Variants in STAP2 observed in about 807,000 individuals in gnomAD.
STAP2 encodes the protein signal-transducing adaptor protein 2.
STAP2 carries 58 observed loss-of-function variants against 52.7 expected under a neutral mutation model. That is an observed-to-expected ratio of 1.10 (90% CI 0.89 to 1.37). STAP2 has a LOEUF of 1.37. STAP2 is among the 40% of genes most tolerant of loss of function. The pLI is 0.00. For missense variants in STAP2, 522 were observed against 519.4 expected, an observed-to-expected ratio of 1.00 and a Z score of -0.05; for synonymous variants, 231 against 210.5, an observed-to-expected ratio of 1.10 and a Z score of -0.84.
At chr19:4,327,421 A>G (rs748861370) in intron 6 of STAP2, 36 bp from the exon 7 acceptor site, 3 of 1,611,668 alleles carry the variant, frequency 1.9e-6, no homozygotes, top group Non-Finnish European at 2.5e-6. Flanking sequence ...GGCTCAGCCC[A>G]GGCTCCCACA....
At chr19:4,331,826 G>A (rs976195554) in intron 4 of STAP2, among the ~76,000 whole-genome samples, 196 bp downstream of exon 4, 3 of 152,046 alleles carry the variant, frequency 2.0e-5, no homozygotes, top group African/African-American at 7.2e-5. Flanking sequence ...CAGCTACTCC[G>A]GAGGCTGAGG....
Position 4,333,814 on chromosome 19 carries a change from G to C in STAP2, c.177C>G (p.His59Gln). The change falls in exon 3 of 13, where the codon CAC (histidine) becomes CAG (glutamine). Residue 59 changes from histidine to glutamine, a missense_variant and splice_region_variant. By Grantham distance (24) the His-to-Gln change is conservative (BLOSUM62 0). Transcript: ENST00000594605. ...ATGCTCCCAAGTTGAGCTTCTCCAC[G>C]TGCTGGGGGCATAGAAGCAGGGGAT... ...YFYNSNRDFQ[H>Q]VEKLNLGAFE... 1.2e-6 allele frequency: 2 copies of C among 1,613,862 alleles called. No homozygotes were observed. Among genetic ancestry groups the C allele is most frequent in the East Asian group, 2.2e-5 (1 of 44,866 alleles).
At chr19:4,331,275 G>A (rs1325108966) in intron 4 of STAP2, among the ~76,000 whole-genome samples, 2 of 152,170 alleles carry the variant, frequency 1.3e-5, no homozygotes, top group Non-Finnish European at 2.9e-5. Flanking sequence ...GCTGCAGTGA[G>A]CTATGATCAC....
chr19:4,335,816 G>A (rs915638359), intron 1 of STAP2, among the ~76,000 whole-genome samples: 3 of 152,120 alleles, frequency 2.0e-5, no homozygotes, highest in African/African-American at 7.2e-5. Context: ...CTTTCCACAT[G>A]GGAAGCACCA....
At position 4,325,557 on chromosome 19, in the gene STAP2, A is replaced by C; in HGVS notation, c.830-12T>G. 6.4e-7 allele frequency: 1 copy of C among 1,563,146 alleles called. No individual in the cohort carries two copies. The highest frequency in any genetic ancestry group is 8.6e-7 in the Non-Finnish European group (1 of 1,157,658). ...GCAGGGTGCAGGACCTGATGGGGAA[A>C]CGTGGTCACTGTCAAGACCCATGTC... On this transcript the variant is annotated splice_polypyrimidine_tract_variant and intron_variant, in intron 9 of 12. Transcript: ENST00000594605.
At chr19:4,336,082 G>A (rs1185609091) in intron 1 of STAP2, among the ~76,000 whole-genome samples, 1 of 151,756 alleles carries the variant, frequency 6.6e-6, no homozygotes, top group African/African-American at 2.4e-5. Context: ...GTGCGATCTC[G>A]GCTCACTGCA....
At chr19:4,330,193 G>A (rs1471252391) in intron 4 of STAP2, 132 bp from the exon 5 acceptor site, 1 of 687,344 alleles carries the variant, frequency 1.5e-6, no homozygotes, top group Non-Finnish European at 2.6e-6. Context: ...GGCAAAGAGG[G>A]CTTCGAGAGG....
intron 5 of STAP2, 165 bp from the exon 6 acceptor site, chr19:4,328,974 C>A: frequency 4.3e-6 from 4 of 924,832 alleles, no homozygotes; most frequent in Non-Finnish European, 6.2e-6. Flanking sequence ...CCCAGTCCGG[C>A]CTTCCAGGCT....
chr19:4,338,826 A>T lies in STAP2; in HGVS notation c.-73T>A. 1 of 1,547,404 alleles carries T rather than the reference A, an allele frequency of 6.5e-7. No homozygotes were observed. Among genetic ancestry groups the T allele is most frequent in the Non-Finnish European group, 8.8e-7 (1 of 1,141,362 alleles). Reference sequence around the variant, plus strand: ...CAGCTGGGCCGGGAAGCTGAGAAACAGGTTTCAGGGGAGTTTCCTGTGTCA... The same window carrying T: ...CAGCTGGGCCGGGAAGCTGAGAAACTGGTTTCAGGGGAGTTTCCTGTGTCA... On this transcript the variant is annotated 5_prime_UTR_variant, in exon 1 of 13. Transcript: ENST00000594605.
chr19:4,324,990 T>A (rs1234508332), intron 11 of STAP2: 25 of 502,374 alleles, frequency 5.0e-5, no homozygotes, highest in East Asian at 7.1e-5. Context: ...AAAAAAAAAA[T>A]TAGCTGGGCA....
intron 1 of STAP2, 41 bp from the exon 2 acceptor site, chr19:4,334,085 A>G (rs1166000350): frequency 2.6e-6 from 4 of 1,563,748 alleles, no homozygotes; most frequent in Non-Finnish European, 3.5e-6. Flanking sequence ...GAGCTGGCCA[A>G]GCTGAGTGCC....
chr19:4,329,839 A>T, intron 5 of STAP2, 122 bp downstream of exon 5: 1 of 166,334 alleles, frequency 6.0e-6, no homozygotes, highest in Non-Finnish European at 1.2e-5. Flanking sequence ...CCCAGCCCCA[A>T]GGCAGTCCTC....
chr19:4,324,087 T>A lies in STAP2; in HGVS notation c.*46A>T. Reference sequence around the variant, plus strand: ...ATCCTGGGAAAAAGAATCTGGCCGCTGGGCCATGCCCTGGGACTAGCCCGC... The same window carrying A: ...ATCCTGGGAAAAAGAATCTGGCCGCAGGGCCATGCCCTGGGACTAGCCCGC... On this transcript the variant is annotated 3_prime_UTR_variant, in exon 13 of 13. Coordinates refer to ENST00000594605, the MANE Select transcript of STAP2 (RefSeq NM_001013841.2). 6.5e-7 allele frequency: 1 copy of A among 1,538,328 alleles called. No homozygotes were observed. Among genetic ancestry groups the A allele is most frequent in the Non-Finnish European group, 8.8e-7 (1 of 1,135,376 alleles).
chr19:4,330,711 A>AT (rs1210010568), intron 4 of STAP2, among the ~76,000 whole-genome samples: 15,896 of 117,160 alleles, frequency 0.14, 1,582 homozygotes, highest in South Asian at 0.22. Context: ...ATGTCAGCTA[A>AT]TTTTTTTTTT....
At position 4,332,016 on chromosome 19, in the gene STAP2, T is replaced by A; in HGVS notation, c.354+6A>T. The A allele has an allele frequency of 6.2e-7, 1 of 1,612,630 alleles. No individual in the cohort carries two copies. Among genetic ancestry groups the A allele is most frequent in the Non-Finnish European group, 8.5e-7 (1 of 1,179,478 alleles). ...GAGAGAGGGCGCAGAGAGCCACTAC[T>A]CTTACCTCCACCACCGTTAAGATGA... On this transcript the variant is annotated splice_donor_region_variant and intron_variant, in intron 4 of 12. Coordinates refer to ENST00000594605, the MANE Select transcript of STAP2 (RefSeq NM_001013841.2).
Position 4,324,056 on chromosome 19 carries a change from G to A in STAP2, c.*77C>T, listed in dbSNP as rs1971741381. On this transcript the variant is annotated 3_prime_UTR_variant, in exon 13 of 13. Transcript: ENST00000594605. ...CAGACACATGGGTCCTGGGGTCAGA[G>A]TTTTAATCCTGGGAAAAAGAATCTG... 6.8e-7 allele frequency: 1 copy of A among 1,476,030 alleles called. No homozygotes were observed. The highest frequency in any genetic ancestry group is 2.5e-5 in the East Asian group (1 of 40,540). 91.4% of individuals were successfully genotyped at this position (1,476,030 alleles called of 1,614,324 possible).
chr19:4,334,679 CATCT>C (rs1731502794), intron 1 of STAP2, among the ~76,000 whole-genome samples: 3 of 146,352 alleles, frequency 2.0e-5, no homozygotes, highest in Non-Finnish European at 4.5e-5. Flanking sequence ...CCCATCCATC[CATCT>C]ATCCATCATG....
intron 9 of STAP2, among the ~76,000 whole-genome samples, chr19:4,326,725 C>T (rs1019245312): frequency 6.6e-5 from 10 of 152,262 alleles, no homozygotes; most frequent in African/African-American, 2.2e-4. Context: ...TTCAACCCTA[C>T]AGGATGAGAG....
rs183111003 is a variant in STAP2 at position 4,337,581 on chromosome 19, T to G, written c.102+1071A>C. ...AAAAAAAAAGGCTGGGTGCGGTGGC[T>G]CATGCCTGTAATCCCAGCATTTAGA... On this transcript the variant is annotated intron_variant, in intron 1 of 12. Transcript: ENST00000594605. Among the ~76,000 whole-genome samples the G allele has an allele frequency of 5.5e-3, 813 of 146,656 alleles. 5 individuals carry two copies. The highest frequency in any genetic ancestry group is 0.02 in the African/African-American group (790 of 39,866).
Sources: allele counts gnomAD v4.1 joint callset (sites outside exome capture counted in the v4.1 genomes callset), GRCh38; gene constraint gnomAD v4.1.1; transcripts MANE v1.5; gene names NCBI Gene and HGNC (gene_info 2026-07-23, HGNC 2026-07-21).